SMAD2: variants seen among roughly 807,000 people sequenced by gnomAD.
SMAD2 encodes the protein MAD homolog 2.
In SMAD2, 8 loss-of-function variants were observed where a neutral mutation model predicts 64.4. The ratio of observed to expected loss-of-function variants is 0.12; its 90% CI spans 0.07 to 0.22. The LOEUF (loss-of-function observed/expected upper bound fraction) is 0.22, where lower values mean the gene tolerates loss of function less well. SMAD2 is among the 10% of genes least tolerant of loss of function. The pLI is 1.00. For synonymous variants in SMAD2, 203 were observed against 195.8 expected (o/e 1.04, Z -0.31); for missense variants, 289 against 561.2 (o/e 0.51, Z 4.90).
chr18:47,851,402 T>C lies in SMAD2; in HGVS notation c.731-75A>G, dbSNP rs1003695824. 27 of 929,192 alleles carry C rather than the reference T, an allele frequency of 2.9e-5. No individual in the cohort carries two copies. In the African/African-American group the frequency reaches 3.1e-4, roughly 11 times the overall value. The allele number at this position is 929,192 out of a possible 1,614,324, so 57.6% of individuals were successfully genotyped here. ...TCAAGTAATCATAAAACTAGCTTTA[T>C]CTGGTTATAATTATCAACAATAATA... On this transcript the variant is annotated intron_variant, in intron 6 of 10. Transcript: ENST00000262160.
At chr18:47,850,375 AT>A (rs1915147634) in intron 7 of SMAD2, among the ~76,000 whole-genome samples, 1 of 23,072 alleles carries the variant, frequency 4.3e-5, no homozygotes, top group African/African-American at 2.7e-4. Context: ...AATATATATT[AT>A]ATATATTATA....
chr18:47,872,671 T>C (rs999288272), intron 2 of SMAD2, among the ~76,000 whole-genome samples: 2 of 152,066 alleles, frequency 1.3e-5, no homozygotes, highest in South Asian at 2.1e-4. Flanking sequence ...TAGATTCTCA[T>C]AGGAGCAAGA....
In SMAD2 at chr18:47,841,674, C is replaced by CAAATAT. The variant is rs1166087997; in HGVS notation, c.*152_*153insATATTT. On this transcript the variant is annotated 3_prime_UTR_variant, in exon 11 of 11. Transcript: ENST00000262160. ...CCATCTAATATTCAAATATAGGAAA[C>CAAATAT]AGATTCCACAAGGTGCTTTAATTGA... 44 of 760,144 alleles carry CAAATAT rather than the reference C, an allele frequency of 5.8e-5. No individual in the cohort carries two copies. Among genetic ancestry groups the CAAATAT allele is most frequent in the South Asian group, 1.1e-4 (7 of 64,594 alleles). The allele number at this position is 760,144 out of a possible 1,614,324, so 47.1% of individuals were successfully genotyped here. A position where few individuals can be genotyped will look rare whatever the true frequency, so the allele number is the denominator to read the frequency against.
chr18:47,901,983 G>C (rs771418577), intron 1 of SMAD2, among the ~76,000 whole-genome samples: 2 of 152,074 alleles, frequency 1.3e-5, no homozygotes, highest in African/African-American at 4.8e-5. Context: ...TTCTCAAGTC[G>C]CTTCCCCTAG....
At chr18:47,914,262 C>G (rs746556120) in intron 1 of SMAD2, among the ~76,000 whole-genome samples, 5 of 152,108 alleles carry the variant, frequency 3.3e-5, no homozygotes, top group Admixed American at 1.3e-4. Flanking sequence ...TCTTTTGGAA[C>G]ACACAAAGCT....
chr18:47,880,169 G>C (rs890875387), intron 2 of SMAD2, among the ~76,000 whole-genome samples: 1 of 152,048 alleles, frequency 6.6e-6, no homozygotes, highest in African/African-American at 2.4e-5. Context: ...GTCTAACTTA[G>C]CAGCTTTCAT....
chr18:47,914,441 T>C (rs993242168), intron 1 of SMAD2, among the ~76,000 whole-genome samples: 3 of 152,170 alleles, frequency 2.0e-5, no homozygotes, highest in Admixed American at 2.0e-4. Flanking sequence ...TATTTACAAA[T>C]GAAGAATGTG....
chr18:47,912,632 G>C (rs1001411911), intron 1 of SMAD2: 1 of 152,192 alleles, frequency 6.6e-6, no homozygotes, highest in African/African-American at 2.4e-5. Context: ...CTCTAGGCTT[G>C]GTTTCTGAGG....
intron 6 of SMAD2, among the ~76,000 whole-genome samples, chr18:47,864,216 A>G (rs184078686): frequency 2.6e-5 from 4 of 152,308 alleles, no homozygotes; most frequent in Admixed American, 6.5e-5. Context: ...TGGTACTCCT[A>G]AACACCCAAA....
At chr18:47,914,387 G>C (rs1212502155) in intron 1 of SMAD2, among the ~76,000 whole-genome samples, 1 of 152,154 alleles carries the variant, frequency 6.6e-6, no homozygotes, top group Admixed American at 6.5e-5. Flanking sequence ...AGTCCAGTAA[G>C]CAAGAATTCC....
rs1414954978 is a variant in SMAD2 at position 47,827,070 on chromosome 18, T to C, written c.*14757A>G. On this transcript the variant is annotated 3_prime_UTR_variant, in exon 11 of 11. Transcript: ENST00000262160. ...TTCTGAGTCAAACTGCATTTTCCAT[T>C]ACATCGGAAATGACCAAGGATTAAA... The C allele has an allele frequency of 6.6e-6, 1 of 152,184 alleles. No homozygotes were observed. Among genetic ancestry groups the C allele is most frequent in the Non-Finnish European group, 1.5e-5 (1 of 68,034 alleles). The allele number at this position is 152,184 out of a possible 1,614,324, so 9.4% of individuals were successfully genotyped here.
intron 5 of SMAD2, among the ~76,000 whole-genome samples, chr18:47,866,568 C>T (rs898713526): frequency 2.6e-5 from 4 of 151,968 alleles, no homozygotes; most frequent in South Asian, 4.1e-4. Context: ...TAAAGTTAAA[C>T]GGCGCTAAGC....
chr18:47,908,753 G>A (rs1007086164), intron 1 of SMAD2, among the ~76,000 whole-genome samples: 2 of 152,102 alleles, frequency 1.3e-5, no homozygotes, highest in Non-Finnish European at 2.9e-5. Flanking sequence ...GAAGTGTTGC[G>A]AGTATCCACT....
At chr18:47,861,500 T>C (rs928403667) in intron 6 of SMAD2, among the ~76,000 whole-genome samples, 5 of 151,878 alleles carry the variant, frequency 3.3e-5, no homozygotes, top group Non-Finnish European at 7.4e-5. Context: ...AACTGGAAAA[T>C]AAAATGTAAA....
intron 6 of SMAD2, among the ~76,000 whole-genome samples, chr18:47,851,837 A>C (rs11877848): frequency 0.016 from 2,367 of 152,288 alleles, 60 homozygotes; most frequent in African/African-American, 0.054. Flanking sequence ...CAATGCTTTG[A>C]GATTGCAATA....
intron 1 of SMAD2, among the ~76,000 whole-genome samples, chr18:47,919,856 C>A (rs541304157): frequency 1.3e-5 from 2 of 152,188 alleles, no homozygotes; most frequent in East Asian, 3.9e-4. Context: ...AAAAATTTTG[C>A]CTAAGTGGAA....
chr18:47,828,934 C>CT lies in SMAD2; in HGVS notation c.*12892dup, dbSNP rs1362460304. ...AACACCCAAGAATGATCAATAAATA[C>CT]TAAAAAAAAAAAAAAAAAAAAAAAA... On this transcript the variant is annotated 3_prime_UTR_variant, in exon 11 of 11. Coordinates refer to ENST00000262160, the MANE Select transcript of SMAD2 (RefSeq NM_005901.6). 104 of 12,132 alleles carry CT rather than the reference C, an allele frequency of 8.6e-3. No homozygotes were observed. The highest frequency in any genetic ancestry group is 0.031 in the African/African-American group (103 of 3,338). 0.8% of individuals were successfully genotyped at this position (12,132 alleles called of 1,614,324 possible).
chr18:47,915,827 C>T (rs377477349), intron 1 of SMAD2, among the ~76,000 whole-genome samples: 18 of 152,276 alleles, frequency 1.2e-4, no homozygotes, highest in African/African-American at 3.6e-4. Flanking sequence ...CACCTTCCCC[C>T]GTCAGGCAAC....
At chr18:47,846,447 CAT>C (rs1914497827) in intron 8 of SMAD2, among the ~76,000 whole-genome samples, 1 of 152,128 alleles carries the variant, frequency 6.6e-6, no homozygotes, top group Admixed American at 6.5e-5. Context: ...GGTGCACATA[CAT>C]TCTCTGTTAA....
Sources: gnomAD v4.1 joint callset for allele counts (sites outside exome capture counted in the v4.1 genomes callset) on GRCh38, gnomAD v4.1.1 for gene constraint, MANE v1.5 for transcripts, NCBI Gene and HGNC (gene_info 2026-07-23, HGNC 2026-07-21) for gene names.